The following AARSD1 variants were observed in gnomAD, a reference collection of about 807,000 sequenced individuals.
AARSD1 encodes alanyl-tRNA synthetase domain containing 1, also known as alanyl-tRNA editing protein Aarsd1.
In AARSD1, 44 loss-of-function variants were observed where a neutral mutation model predicts 48.7. The observed-to-expected ratio is 0.90, with a 90% CI of 0.71 to 1.16. The LOEUF is 1.16. AARSD1 is among the 50% of genes most tolerant of loss of function. The probability of loss-of-function intolerance (pLI) is 0.00; values close to 1 mark genes in which losing one functional copy is unlikely to be tolerated. For synonymous variants in AARSD1, 189 were observed against 194.9 expected (o/e 0.97, Z 0.25); for missense variants, 511 against 523.1 (o/e 0.98, Z 0.23).
chr17:42,951,941 A>C (rs2049485267), intron 10 of AARSD1, 47 bp from the exon 11 acceptor site: 1 of 1,595,570 alleles, frequency 6.3e-7, no homozygotes, highest in African/African-American at 1.3e-5. Flanking sequence ...AAGGATGTAG[A>C]GTCAACCCCC....
chr17:42,953,906 CAA>C, intron 9 of AARSD1, 128 bp from the exon 10 acceptor site: 1 of 1,203,122 alleles, frequency 8.3e-7, no homozygotes. Flanking sequence ...ATCCCTTAGC[CAA>C]GAGAGAGTAC....
rs1458612945 is a variant in AARSD1, at chr17:42,951,898, G to C, written c.1009-4C>G. On this transcript the variant is annotated splice_polypyrimidine_tract_variant and splice_region_variant and intron_variant, in intron 10 of 11. Coordinates refer to ENST00000427569, the MANE Select transcript of AARSD1 (RefSeq NM_001261434.2). ...CAGTTAAGAACAGGAGGGTCTCCTA[G>C]GAGGTAAGACAAGGAGATAAGCTCT... The C allele has an allele frequency of 1.2e-6, 2 of 1,613,384 alleles. No individual in the cohort carries two copies. The highest frequency in any genetic ancestry group is 2.2e-5 in the South Asian group (2 of 91,068).
In AARSD1 at chr17:42,951,789, C is replaced by T. The variant is rs1484492417; in HGVS notation, c.1103+11G>A. 6.2e-7 allele frequency: 1 copy of T among 1,613,890 alleles called. No homozygotes were observed. The highest frequency in any genetic ancestry group is 8.5e-7 in the Non-Finnish European group (1 of 1,179,974). Reference sequence around the variant, plus strand: ...TCTACTACATGTGCAAGAGAGTCCACAAAGAATTACCTGGGCCCCAGGGTC... The same window carrying T: ...TCTACTACATGTGCAAGAGAGTCCATAAAGAATTACCTGGGCCCCAGGGTC... On this transcript the variant is annotated intron_variant, in intron 11 of 11. Coordinates refer to ENST00000427569, the MANE Select transcript of AARSD1 (RefSeq NM_001261434.2).
intron 10 of AARSD1, among the ~76,000 whole-genome samples, chr17:42,952,331 C>T (rs983179006): frequency 2.6e-5 from 4 of 152,172 alleles, no homozygotes; most frequent in Non-Finnish European, 5.9e-5. Flanking sequence ...TGTGCTCCTC[C>T]ACCTCTAGCA....
At position 42,955,237 on chromosome 17, in the gene AARSD1, G is replaced by A. The variant is rs1177159334; in HGVS notation, c.795-13C>T. The A allele has an allele frequency of 6.2e-7, 1 of 1,613,490 alleles. No individual in the cohort carries two copies. Among genetic ancestry groups the A allele is most frequent in the Admixed American group, 1.7e-5 (1 of 59,974 alleles). On this transcript the variant is annotated splice_polypyrimidine_tract_variant and intron_variant, in intron 7 of 11. Coordinates refer to ENST00000427569, the MANE Select transcript of AARSD1 (RefSeq NM_001261434.2). ...CTCTGCTCCACACCTGAAAGAGAAA[G>A]GTCAGAGGAGACCTGCGCAGCTTCC...
chr17:42,964,073 T>C, intron 2 of AARSD1, 33 bp downstream of exon 2: 1 of 1,613,386 alleles, frequency 6.2e-7, no homozygotes, highest in African/African-American at 1.3e-5. Flanking sequence ...ACAAAGAAAC[T>C]GGGGGCTTCC....
intron 3 of AARSD1, among the ~76,000 whole-genome samples, chr17:42,960,289 G>T (rs1021319036): frequency 1.3e-5 from 2 of 151,334 alleles, no homozygotes; most frequent in Admixed American, 6.6e-5. Context: ...GACTGTTCTG[G>T]TGCTATGTGG....
Position 42,950,728 on chromosome 17 carries a change from C to G in AARSD1, c.1104G>C (p.Arg368Ser), listed in dbSNP as rs775720478. The G allele has an allele frequency of 1.4e-5, 22 of 1,612,754 alleles. No individual in the cohort carries two copies. The East Asian group carries it at 4.9e-4, about 36-fold the overall frequency. The change falls in exon 12 of 12, where the codon AGG becomes AGC. Residue 368 changes from arginine to serine, a missense_variant and splice_region_variant. By Grantham distance (110) the Arg-to-Ser change is moderately radical. Transcript: ENST00000427569. ...PPASVETLGP[R>S]VAEVLEGKGA... ...CTTTGCCTTCCAGGACCTCAGCCAC[C>G]CTGGGGAACAGAGGTATAGTCAGGG... is the stretch of plus-strand genomic sequence containing the variant.
chr17:42,955,436 C>CTT (rs34063248), intron 7 of AARSD1: 8,911 of 281,032 alleles, frequency 0.032, 52 homozygotes, highest in South Asian at 0.038. Context: ...AGCACTTGAT[C>CTT]TTTTTTTTTT....
chr17:42,957,116 T>C (rs1462973412), intron 4 of AARSD1, 22 bp downstream of exon 4: 2 of 1,612,526 alleles, frequency 1.2e-6, no homozygotes, highest in Non-Finnish European at 1.7e-6. Flanking sequence ...TGCCTACAGT[T>C]AGTCTTATGC....
chr17:42,958,685 C>T (rs546906927), intron 3 of AARSD1, among the ~76,000 whole-genome samples: 6 of 150,138 alleles, frequency 4.0e-5, no homozygotes, highest in African/African-American at 1.5e-4. Context: ...ATTCTCCTGC[C>T]TCAGCCTCCC....
chr17:42,963,499 A>C (rs988766880), intron 2 of AARSD1, among the ~76,000 whole-genome samples: 5 of 152,038 alleles, frequency 3.3e-5, no homozygotes, highest in African/African-American at 1.2e-4. Context: ...CCATCTTCAC[A>C]ATGTACCTCA....
chr17:42,959,584 C>T (rs540403093), intron 3 of AARSD1, among the ~76,000 whole-genome samples: 56 of 151,980 alleles, frequency 3.7e-4, no homozygotes, highest in African/African-American at 1.4e-3. Flanking sequence ...TATGGAATTC[C>T]TAGCCTCAAG....
At position 42,956,433 on chromosome 17, in the gene AARSD1, G is replaced by A; in HGVS notation, c.517C>T (p.Leu173=). Residue 173 remains leucine, a synonymous_variant, in exon 5 of 12, where the codon CTG becomes TTG. Transcript: ENST00000427569. The part of the protein sequence containing the change: ...RDRLPVNVRE[L]SLDDPEVEQV... ...TCCACCTCAGGATCATCCAGGCTCA[G>A]TTCTCGGACATTCACAGGCAGCCGA... is the stretch of plus-strand genomic sequence containing the variant. 6.2e-7 allele frequency: 1 copy of A among 1,614,064 alleles called. No individual in the cohort carries two copies. The highest frequency in any genetic ancestry group is 8.5e-7 in the Non-Finnish European group (1 of 1,180,030).
At chr17:42,954,225 A>G (rs1433507671) in intron 9 of AARSD1, 2 of 191,638 alleles carry the variant, frequency 1.0e-5, no homozygotes, top group Admixed American at 5.3e-5. Flanking sequence ...GTGGTGGCAC[A>G]TGCCTGTGAT....
intron 10 of AARSD1, 24 bp from the exon 11 acceptor site, chr17:42,951,918 A>G: frequency 1.2e-6 from 2 of 1,611,974 alleles, no homozygotes; most frequent in Non-Finnish European, 1.7e-6. Context: ...CAAGGAGATA[A>G]GCTCTGATAC....
intron 9 of AARSD1, among the ~76,000 whole-genome samples, chr17:42,954,350 A>G (rs2049518403): frequency 6.6e-6 from 1 of 152,182 alleles, no homozygotes; most frequent in African/African-American, 2.4e-5. Flanking sequence ...TCCATCTCAA[A>G]AAAAACACAA....
At chr17:42,951,034 C>G (rs1243927953) in intron 11 of AARSD1, among the ~76,000 whole-genome samples, 1 of 151,980 alleles carries the variant, frequency 6.6e-6, no homozygotes, top group Non-Finnish European at 1.5e-5. Flanking sequence ...TGGTATGCGC[C>G]ATAATCCCAG....
chr17:42,950,880 T>G, intron 11 of AARSD1, 152 bp from the exon 12 acceptor site: 1 of 1,332,412 alleles, frequency 7.5e-7, no homozygotes, highest in Admixed American at 2.9e-5. Context: ...GCACATAGGC[T>G]GGGCATGGTG....
Sources: gnomAD v4.1 joint callset for allele counts (sites outside exome capture counted in the v4.1 genomes callset) on GRCh38, gnomAD v4.1.1 for gene constraint, MANE v1.5 for transcripts, NCBI Gene and HGNC (gene_info 2026-07-23, HGNC 2026-07-21) for gene names.